The following CDC73 variants were observed in gnomAD, a reference collection of about 807,000 sequenced individuals.
CDC73 encodes the protein cell division cycle 73.
Under a neutral mutation model 83.7 loss-of-function variants are expected in CDC73, and 21 were observed. The observed-to-expected ratio is 0.25, with a 90% CI of 0.18 to 0.36. CDC73 has a LOEUF of 0.36. Among genes scored for constraint, CDC73 ranks in the 10% least tolerant of loss-of-function variants. The pLI, the probability that CDC73 is intolerant of heterozygous loss-of-function variation, is 1.00. For missense variants in CDC73, 342 were observed against 653.3 expected (o/e 0.52, Z 5.19); for synonymous variants, 224 against 212.9 (o/e 1.05, Z -0.45).
intron 12 of CDC73, 77 bp from the exon 13 acceptor site, chr1:193,212,313 A>G: frequency 1.0e-6 from 1 of 985,054 alleles, no homozygotes; most frequent in Non-Finnish European, 1.5e-6. Context: ...ACAATTTATA[A>G]TCTTTTAACT....
chr1:193,127,340 C>G (rs1675597381), intron 2 of CDC73, among the ~76,000 whole-genome samples: 1 of 150,092 alleles, frequency 6.7e-6, no homozygotes, highest in Non-Finnish European at 1.5e-5. Flanking sequence ...GAGAAAGTAT[C>G]CCGTCACTTA....
intron 13 of CDC73, among the ~76,000 whole-genome samples, chr1:193,224,778 A>G (rs1677537556): frequency 6.6e-6 from 1 of 152,140 alleles, no homozygotes; most frequent in African/African-American, 2.4e-5. Flanking sequence ...ATTATTTCAG[A>G]CCAATTTTTT....
At chr1:193,162,368 GTA>G (rs775458466) in intron 10 of CDC73, among the ~76,000 whole-genome samples, 6 of 133,952 alleles carry the variant, frequency 4.5e-5, no homozygotes, top group Non-Finnish European at 6.2e-5. Context: ...TATATATAGT[GTA>G]TATATATATA....
chr1:193,182,264 A>G (rs1431165697), intron 10 of CDC73, among the ~76,000 whole-genome samples: 1 of 152,104 alleles, frequency 6.6e-6, no homozygotes, highest in Non-Finnish European at 1.5e-5. Flanking sequence ...GTCAAAATTA[A>G]TTTTCAGGGT....
At chr1:193,159,308 T>C (rs533344443) in intron 10 of CDC73, among the ~76,000 whole-genome samples, 1 of 152,334 alleles carries the variant, frequency 6.6e-6, no homozygotes, top group Admixed American at 6.5e-5. Context: ...GAGGTTTAAC[T>C]GTATCCAGTT....
chr1:193,166,145 T>C (rs908500653), intron 10 of CDC73, among the ~76,000 whole-genome samples: 6 of 152,126 alleles, frequency 3.9e-5, no homozygotes, highest in African/African-American at 1.4e-4. Context: ...AGCAGGAGTT[T>C]GTATAGTTTA....
At chr1:193,195,495 A>G (rs1234796315) in intron 10 of CDC73, among the ~76,000 whole-genome samples, 2 of 152,112 alleles carry the variant, frequency 1.3e-5, no homozygotes, top group Non-Finnish European at 2.9e-5. Context: ...CGTGATTTCA[A>G]ATTTTTTTGG....
At chr1:193,166,286 G>T (rs1645281956) in intron 10 of CDC73, among the ~76,000 whole-genome samples, 2 of 152,032 alleles carry the variant, frequency 1.3e-5, no homozygotes, top group Admixed American at 1.3e-4. Flanking sequence ...TCCCACCTCA[G>T]CTGGGACCAC....
At chr1:193,152,555 T>C in intron 10 of CDC73, 111 bp downstream of exon 10, 1 of 730,226 alleles carries the variant, frequency 1.4e-6, no homozygotes, top group Non-Finnish European at 2.5e-6. Context: ...CATTTTTCTT[T>C]ATTGATCACT....
intron 10 of CDC73, among the ~76,000 whole-genome samples, chr1:193,191,290 A>T (rs1472857555): frequency 1.3e-5 from 2 of 152,202 alleles, no homozygotes; most frequent in Non-Finnish European, 2.9e-5. Context: ...TACATTCACT[A>T]TGACTTTATG....
intron 2 of CDC73, among the ~76,000 whole-genome samples, chr1:193,126,858 T>A (rs979875367): frequency 3.3e-5 from 5 of 152,230 alleles, no homozygotes; most frequent in Non-Finnish European, 7.3e-5. Context: ...ACACCGTTGC[T>A]GGATCACATT....
chr1:193,224,299 G>T (rs1436476088), intron 13 of CDC73, among the ~76,000 whole-genome samples: 1 of 151,630 alleles, frequency 6.6e-6, no homozygotes, highest in Non-Finnish European at 1.5e-5. Context: ...GTTTTTAAGG[G>T]TCATAATTTG....
chr1:193,152,243 A>G (rs1368977541), intron 9 of CDC73, 137 bp from the exon 10 acceptor site: 2 of 631,612 alleles, frequency 3.2e-6, no homozygotes, highest in African/African-American at 1.9e-5. Flanking sequence ...TACGTAATTT[A>G]ATTTTACATA....
At chr1:193,223,956 G>T (rs1245696954) in intron 13 of CDC73, among the ~76,000 whole-genome samples, 1 of 150,734 alleles carries the variant, frequency 6.6e-6, no homozygotes, top group Non-Finnish European at 1.5e-5. Context: ...AATAAATCAG[G>T]GTAATTAAGA....
chr1:193,211,570 C>A (rs543343393), intron 11 of CDC73, among the ~76,000 whole-genome samples: 1 of 152,074 alleles, frequency 6.6e-6, no homozygotes, highest in African/African-American at 2.4e-5. Flanking sequence ...TGAGGCCATT[C>A]GCAAGTAAAA....
chr1:193,140,850 CTG>C (rs1342599477), intron 6 of CDC73, among the ~76,000 whole-genome samples: 6 of 152,162 alleles, frequency 3.9e-5, no homozygotes, highest in Admixed American at 3.9e-4. Flanking sequence ...GTAACTGAAA[CTG>C]TGGAAAGCCA....
At chr1:193,241,430 C>A (rs888476811) in intron 15 of CDC73, among the ~76,000 whole-genome samples, 1 of 152,302 alleles carries the variant, frequency 6.6e-6, no homozygotes, top group East Asian at 1.9e-4. Context: ...GTCCCAAGGC[C>A]ACGTATGCTG....
chr1:193,188,102 G>A lies in CDC73; in HGVS notation c.973-15693G>A, dbSNP rs866395578. 1.4e-4 allele frequency among the ~76,000 whole-genome samples: 21 copies of A among 152,248 alleles called. 1 individual carries two copies. The highest frequency in any genetic ancestry group is 9.8e-4 in the Admixed American group (15 of 15,288). Reference sequence around the variant, plus strand: ...TTATTTATCAGTGATTCTTTACATAGGATTTGACTATGAAGCTAGCCACAA... The same window carrying A: ...TTATTTATCAGTGATTCTTTACATAAGATTTGACTATGAAGCTAGCCACAA... On this transcript the variant is annotated intron_variant, in intron 10 of 16. Transcript: ENST00000367435.
At chr1:193,226,276 T>C (rs976749302) in intron 13 of CDC73, among the ~76,000 whole-genome samples, 2 of 152,194 alleles carry the variant, frequency 1.3e-5, no homozygotes, top group Admixed American at 6.5e-5. Flanking sequence ...CTGGATTCTC[T>C]ATTCTGTTCC....
Sources: gnomAD v4.1 joint callset for allele counts (sites outside exome capture counted in the v4.1 genomes callset) on GRCh38, gnomAD v4.1.1 for gene constraint, MANE v1.5 for transcripts, NCBI Gene and HGNC (gene_info 2026-07-23, HGNC 2026-07-21) for gene names.